KCTD16: variants seen among roughly 807,000 people sequenced by gnomAD.
KCTD16 encodes potassium channel tetramerization domain containing 16.
A neutral mutation model predicts 33.2 loss-of-function variants in KCTD16; 13 were observed. The observed-to-expected ratio is 0.39, with a 90% CI of 0.25 to 0.62. The LOEUF (loss-of-function observed/expected upper bound fraction) is 0.62. Among genes scored for constraint, KCTD16 ranks in the 20% least tolerant of loss-of-function variants. The pLI is 0.50. For missense variants in KCTD16, 441 were observed against 525.1 expected (o/e 0.84, Z 1.57); for synonymous variants, 197 against 195.3 (o/e 1.01, Z -0.07).
rs942133533 is a variant in KCTD16, at chr5:144,477,739, A to G, written c.*3625A>G. 2.0e-5 allele frequency: 3 copies of G among 152,052 alleles called. No homozygotes were observed. The highest frequency in any genetic ancestry group is 6.6e-5 in the Admixed American group (1 of 15,258). 9.4% of individuals were successfully genotyped at this position (152,052 alleles called of 1,614,324 possible). A position where few individuals can be genotyped will look rare whatever the true frequency, so the allele number is the denominator to read the frequency against. ...ATGGGAACCAAATTTTGATTCTTAT[A>G]CATTTTCCTTTGCTACAATTCCAAC... On this transcript the variant is annotated 3_prime_UTR_variant, in exon 4 of 4. Transcript: ENST00000512467.
chr5:144,404,091 A>G (rs773869637), intron 3 of KCTD16, among the ~76,000 whole-genome samples: 27 of 152,284 alleles, frequency 1.8e-4, no homozygotes, highest in Non-Finnish European at 3.4e-4. Flanking sequence ...CTCACACCCA[A>G]CTTAAAAAGA....
chr5:144,460,487 G>C (rs1754170985), intron 3 of KCTD16, among the ~76,000 whole-genome samples: 1 of 152,170 alleles, frequency 6.6e-6, no homozygotes, highest in Non-Finnish European at 1.5e-5. Flanking sequence ...TGTCACCCAA[G>C]CTGGAGTGCA....
intron 3 of KCTD16, among the ~76,000 whole-genome samples, chr5:144,327,666 A>T (rs746631559): frequency 2.0e-5 from 3 of 152,152 alleles, no homozygotes; most frequent in African/African-American, 4.8e-5. Flanking sequence ...CACATGAATT[A>T]AAAAAATGAC....
At chr5:144,239,633 T>C (rs1190165706) in intron 3 of KCTD16, among the ~76,000 whole-genome samples, 4 of 152,124 alleles carry the variant, frequency 2.6e-5, no homozygotes, top group Non-Finnish European at 5.9e-5. Context: ...TAAACTACCG[T>C]GACTTTTCAA....
chr5:144,371,710 G>A, intron 3 of KCTD16, among the ~76,000 whole-genome samples: 1 of 151,696 alleles, frequency 6.6e-6, no homozygotes. Flanking sequence ...TTAACACTGT[G>A]GTGAGGGCTT....
intron 3 of KCTD16, among the ~76,000 whole-genome samples, chr5:144,418,273 G>A (rs563995006): frequency 2.2e-4 from 33 of 152,250 alleles, no homozygotes; most frequent in South Asian, 6.2e-4. Flanking sequence ...GAAGGAGACC[G>A]AGTGGGTTGC....
At chr5:144,379,794 A>C (rs943410250) in intron 3 of KCTD16, among the ~76,000 whole-genome samples, 41 of 152,272 alleles carry the variant, frequency 2.7e-4, no homozygotes, top group African/African-American at 9.4e-4. Context: ...GTCAGTAGTT[A>C]TTGTTTCAAA....
chr5:144,432,448 C>T (rs1753485188), intron 3 of KCTD16, among the ~76,000 whole-genome samples: 1 of 152,096 alleles, frequency 6.6e-6, no homozygotes, highest in South Asian at 2.1e-4. Flanking sequence ...GGGAAATTGT[C>T]TTTTGTAACA....
chr5:144,419,600 TC>T (rs1753163415), intron 3 of KCTD16, among the ~76,000 whole-genome samples: 1 of 152,170 alleles, frequency 6.6e-6, no homozygotes, highest in Non-Finnish European at 1.5e-5. Context: ...GCCTTTTATT[TC>T]CAGCTGTTAC....
chr5:144,319,569 G>A (rs954416785), intron 3 of KCTD16, among the ~76,000 whole-genome samples: 3 of 152,148 alleles, frequency 2.0e-5, no homozygotes, highest in Admixed American at 1.3e-4. Flanking sequence ...ATTTTTTGAA[G>A]TCTTAAGTAT....
rs200508365 is a variant in KCTD16 at position 144,396,912 on chromosome 5, T to TTATATATA, written c.833-76734_833-76727dup. Among the ~76,000 whole-genome samples, 291 of 141,038 alleles carry TTATATATA rather than the reference T, an allele frequency of 2.1e-3. 1 individual carries two copies. The highest frequency in any genetic ancestry group is 7.0e-3 in the African/African-American group (272 of 38,802). The allele number at this position is 141,038 out of a possible 152,430, so 92.5% of individuals were successfully genotyped here. A position where few individuals can be genotyped will look rare whatever the true frequency, so the allele number is the denominator to read the frequency against. The stretch of plus-strand genomic sequence containing the variant: ...AGCATTGCTGAATTCACTTTATTTA[T>TTATATATA]TATATATATATATATATATATTTTA... On this transcript the variant is annotated intron_variant, in intron 3 of 3. Transcript: ENST00000512467.
intron 3 of KCTD16, among the ~76,000 whole-genome samples, chr5:144,394,755 G>C (rs1752527957): frequency 6.6e-6 from 1 of 152,158 alleles, no homozygotes; most frequent in Non-Finnish European, 1.5e-5. Flanking sequence ...GCCACCATGT[G>C]AAGAAGGTCT....
At chr5:144,359,113 C>T (rs141953412) in intron 3 of KCTD16, among the ~76,000 whole-genome samples, 71 of 152,298 alleles carry the variant, frequency 4.7e-4, no homozygotes, top group African/African-American at 1.4e-3. Context: ...AGACTGACGA[C>T]GCAGTCATAC....
chr5:144,421,221 GACAAA>G (rs553227441), intron 3 of KCTD16, among the ~76,000 whole-genome samples: 2 of 152,022 alleles, frequency 1.3e-5, no homozygotes, highest in African/African-American at 2.4e-5. Context: ...AATCATACCA[GACAAA>G]ACAAAACAAA....
In KCTD16 at chr5:144,176,387, C is replaced by CTT. The variant is rs368578231; in HGVS notation, c.-327+1940_-327+1941dup. 5.8e-4 allele frequency among the ~76,000 whole-genome samples: 62 copies of CTT among 106,678 alleles called. 1 individual carries two copies. The highest frequency in any genetic ancestry group is 2.3e-3 in the East Asian group (9 of 3,866). 70.0% of individuals were successfully genotyped at this position (106,678 alleles called of 152,430 possible). ...AACAATTTTTAAAGATATAGTGTTT[C>CTT]TTTTTTTTTTTTTTTTTTTTTTTTT... On this transcript the variant is annotated intron_variant, in intron 2 of 3. Coordinates refer to ENST00000512467, the MANE Select transcript of KCTD16 (RefSeq NM_020768.4).
At chr5:144,418,287 C>T (rs73296044) in intron 3 of KCTD16, among the ~76,000 whole-genome samples, 12 of 152,062 alleles carry the variant, frequency 7.9e-5, no homozygotes, top group African/African-American at 1.5e-4. Context: ...GGGTTGCCAA[C>T]GGGGATTCTG....
At chr5:144,392,200 C>A (rs1418544171) in intron 3 of KCTD16, among the ~76,000 whole-genome samples, 1 of 152,006 alleles carries the variant, frequency 6.6e-6, no homozygotes, top group African/African-American at 2.4e-5. Context: ...CAAGCCAGGG[C>A]AGGAATCAGG....
chr5:144,422,697 T>A (rs1428016387), intron 3 of KCTD16, among the ~76,000 whole-genome samples: 1 of 152,104 alleles, frequency 6.6e-6, no homozygotes, highest in African/African-American at 2.4e-5. Context: ...TCCTCAAAAA[T>A]TGGATATTTA....
At chr5:144,309,883 A>G (rs762560120) in intron 3 of KCTD16, among the ~76,000 whole-genome samples, 1 of 152,164 alleles carries the variant, frequency 6.6e-6, no homozygotes, top group Non-Finnish European at 1.5e-5. Context: ...GGGGGACGGC[A>G]GCAAAATTTG....
Sources: allele counts gnomAD v4.1 joint callset (sites outside exome capture counted in the v4.1 genomes callset), GRCh38; gene constraint gnomAD v4.1.1; transcripts MANE v1.5; gene names NCBI Gene and HGNC (gene_info 2026-07-23, HGNC 2026-07-21).